Variants in MIGA1 observed in about 807,000 individuals in gnomAD.
The protein encoded by MIGA1 is family with sequence similarity 73, member A.
Under a neutral mutation model 82.0 loss-of-function variants are expected in MIGA1, and 58 were observed. The ratio of observed to expected loss-of-function variants is 0.71; its 90% CI spans 0.57 to 0.88. MIGA1 has a LOEUF of 0.88. Among genes scored for constraint, MIGA1 ranks in the 40% least tolerant of loss-of-function variants. The pLI, the probability that MIGA1 is intolerant of heterozygous loss-of-function variation, is 0.00. For missense variants in MIGA1, 751 were observed against 749.1 expected (o/e 1.00, Z -0.03); for synonymous variants, 249 against 253.6 (o/e 0.98, Z 0.17).
chr1:77,874,309 A>G (rs1258010268), intron 15 of MIGA1, among the ~76,000 whole-genome samples: 1 of 152,098 alleles, frequency 6.6e-6, no homozygotes, highest in Non-Finnish European at 1.5e-5. Flanking sequence ...GAGACCTGAA[A>G]TGTTCTTTAT....
At chr1:77,793,087 G>A (rs1039098271) in intron 2 of MIGA1, among the ~76,000 whole-genome samples, 17 of 151,486 alleles carry the variant, frequency 1.1e-4, no homozygotes, top group Non-Finnish European at 1.6e-4. Context: ...CACAGCACCC[G>A]GCCTGTTTTT....
At chr1:77,873,174 AC>A (rs1646862532) in intron 15 of MIGA1, 54 bp downstream of exon 15, 2 of 1,527,654 alleles carry the variant, frequency 1.3e-6, no homozygotes, top group Non-Finnish European at 1.8e-6. Flanking sequence ...AAAAGGAGAT[AC>A]GGTTTTATTC....
rs1324857182 is a variant in MIGA1 at position 77,875,013 on chromosome 1, C to T, written c.1848C>T (p.Ser616=). The T allele has an allele frequency of 6.2e-7, 1 of 1,614,146 alleles. No individual in the cohort carries two copies. The highest frequency in any genetic ancestry group is 1.3e-5 in the African/African-American group (1 of 75,028). ...TGAGGCATACAAGTAGTTGTCTAAG[C>T]AGTCATGGTCATGTTATGTCCACTG... Residue 616 remains serine, a synonymous_variant, in exon 16 of 16, where the codon AGC becomes AGT. Coordinates refer to ENST00000370791, the MANE Select transcript of MIGA1 (RefSeq NM_198549.4).
chr1:77,840,840 A>ATT (rs1196698286), intron 7 of MIGA1, among the ~76,000 whole-genome samples: 1 of 152,100 alleles, frequency 6.6e-6, no homozygotes, highest in East Asian at 1.9e-4. Context: ...ATAAAATAAA[A>ATT]TTTAATCCCA....
chr1:77,874,890 G>C lies in MIGA1; in HGVS notation c.1725G>C (p.Lys575Asn). Residue 575 changes from lysine (K) to asparagine (N), a missense_variant, in exon 16 of 16, where the codon AAG becomes AAC. By Grantham distance (94) the Lys-to-Asn change is moderately conservative (BLOSUM62 0). Transcript: ENST00000370791. ...TCAAAGACATTTTTGACTTTGAGAAGGTGCGCTATTCAAGTACAGAGACTT... is the reference window on the plus strand; with the variant it reads ...TCAAAGACATTTTTGACTTTGAGAACGTGCGCTATTCAAGTACAGAGACTT... 6.2e-7 allele frequency: 1 copy of C among 1,614,070 alleles called. No homozygotes were observed. The highest frequency in any genetic ancestry group is 1.6e-4 in the Middle Eastern group (1 of 6,062).
Position 77,876,939 on chromosome 1 carries a change from G to T in MIGA1, c.*1875G>T, listed in dbSNP as rs1646898119. ...AGTATGTAAGTAGATGAGATTTGTT[G>T]ATTTTGCCCCTAAAACGGGCTTTAG... On this transcript the variant is annotated 3_prime_UTR_variant, in exon 16 of 16. Coordinates refer to ENST00000370791, the MANE Select transcript of MIGA1 (RefSeq NM_198549.4). The T allele has an allele frequency of 6.6e-6, 1 of 152,128 alleles. No individual in the cohort carries two copies. The highest frequency in any genetic ancestry group is 6.6e-5 in the Admixed American group (1 of 15,262). The allele number at this position is 152,128 out of a possible 1,614,324, so 9.4% of individuals were successfully genotyped here.
At chr1:77,836,917 T>C (rs1391604622) in intron 7 of MIGA1, among the ~76,000 whole-genome samples, 1 of 152,196 alleles carries the variant, frequency 6.6e-6, no homozygotes, top group African/African-American at 2.4e-5. Flanking sequence ...TGGCTTTTTT[T>C]CCCAAGTTAC....
chr1:77,786,579 T>A (rs1490281623), intron 2 of MIGA1, among the ~76,000 whole-genome samples: 1 of 152,176 alleles, frequency 6.6e-6, no homozygotes, highest in African/African-American at 2.4e-5. Context: ...CCCTAAATCA[T>A]CTCTCTCAAG....
rs78258372 is a variant in MIGA1 at position 77,859,875 on chromosome 1, G to A, written c.1189-165G>A. On this transcript the variant is annotated intron_variant, in intron 10 of 15. Transcript: ENST00000370791. Reference sequence around the variant, plus strand: ...CTTTTTTTGACTATAGGTTTCAAGAGTTCTTTTTATTTTAGTAAATTAGGA... The same window carrying A: ...CTTTTTTTGACTATAGGTTTCAAGAATTCTTTTTATTTTAGTAAATTAGGA... 2,202 of 543,466 alleles carry A rather than the reference G, an allele frequency of 4.1e-3. 49 individuals carry two copies. The highest frequency in any genetic ancestry group is 0.041 in the African/African-American group (2,069 of 51,080). The allele number at this position is 543,466 out of a possible 1,614,324, so 33.7% of individuals were successfully genotyped here. A position where few individuals can be genotyped will look rare whatever the true frequency, so the allele number is the denominator to read the frequency against.
chr1:77,845,789 C>A (rs944170762), intron 8 of MIGA1, among the ~76,000 whole-genome samples: 3 of 152,026 alleles, frequency 2.0e-5, no homozygotes, highest in Non-Finnish European at 4.4e-5. Flanking sequence ...GTTCGAAAAC[C>A]TTTTCAGGAT....
At chr1:77,827,339 T>G (rs558661100) in intron 7 of MIGA1, among the ~76,000 whole-genome samples, 1 of 152,170 alleles carries the variant, frequency 6.6e-6, no homozygotes, top group Non-Finnish European at 1.5e-5. Context: ...CTGGGTGTGT[T>G]GACTCACGCC....
At chr1:77,815,454 G>A (rs575064224) in intron 7 of MIGA1, among the ~76,000 whole-genome samples, 1 of 152,164 alleles carries the variant, frequency 6.6e-6, no homozygotes, top group East Asian at 1.9e-4. Context: ...TCATAGGCAG[G>A]CTGTGACATT....
chr1:77,864,654 C>A (rs376481539), intron 13 of MIGA1, among the ~76,000 whole-genome samples: 1 of 152,152 alleles, frequency 6.6e-6, no homozygotes, highest in South Asian at 2.1e-4. Context: ...CCAGCCTGGA[C>A]AACAAGAGTG....
chr1:77,786,110 A>T (rs1190938989), intron 2 of MIGA1, among the ~76,000 whole-genome samples: 1 of 152,208 alleles, frequency 6.6e-6, no homozygotes, highest in Non-Finnish European at 1.5e-5. Context: ...CCTCAACACC[A>T]TGTGGAAGTT....
intron 7 of MIGA1, among the ~76,000 whole-genome samples, chr1:77,830,790 G>A (rs921792169): frequency 5.9e-5 from 9 of 152,260 alleles, no homozygotes; most frequent in African/African-American, 2.2e-4. Flanking sequence ...CTTTAAAGCA[G>A]ATATAGGTTA....
At chr1:77,823,176 A>G (rs970673207) in intron 7 of MIGA1, among the ~76,000 whole-genome samples, 2 of 152,000 alleles carry the variant, frequency 1.3e-5, no homozygotes, top group Non-Finnish European at 2.9e-5. Context: ...TTTGTAGATA[A>G]CAATGAATTT....
At chr1:77,859,280 AGTTTAACAATT>A in intron 9 of MIGA1, 23 bp from the exon 10 acceptor site, 1 of 1,514,038 alleles carries the variant, frequency 6.6e-7, no homozygotes, top group Non-Finnish European at 9.2e-7. Context: ...TCTTGAATGT[AGTTTAACAATT>A]GTCTCCCCTG....
At position 77,861,233 on chromosome 1, in the gene MIGA1, A is replaced by G. The variant is rs757491384; in HGVS notation, c.1285A>G (p.Lys429Glu). The G allele has an allele frequency of 1.2e-6, 2 of 1,606,534 alleles. No homozygotes were observed. The highest frequency in any genetic ancestry group is 1.7e-6 in the Non-Finnish European group (2 of 1,173,872). Residue 429 changes from lysine (K) to glutamate (E), a missense_variant, in exon 12 of 16, where the codon AAG becomes GAG. Physicochemically the swap from Lys to Glu is moderately conservative, Grantham distance 56. Around this residue, in one of 3 missense-constraint regions of MIGA1, gnomAD observed 265 missense variants for 293.6 expected, o/e 0.90. Coordinates refer to ENST00000370791, the MANE Select transcript of MIGA1 (RefSeq NM_198549.4). Reference sequence around the variant, plus strand: ...GTGTTTTCTTCTTCAGAATCCAAAGAAGTTTGAAGATGTTTTTGATGAAAT... The same window carrying G: ...GTGTTTTCTTCTTCAGAATCCAAAGGAGTTTGAAGATGTTTTTGATGAAAT...
intron 7 of MIGA1, among the ~76,000 whole-genome samples, chr1:77,834,374 G>C (rs1684351605): frequency 1.3e-5 from 2 of 151,974 alleles, no homozygotes; most frequent in African/African-American, 4.8e-5. Context: ...TGGGATTTCG[G>C]TATGTTGCTT....
Sources: gnomAD v4.1 joint callset for allele counts (sites outside exome capture counted in the v4.1 genomes callset) on GRCh38, gnomAD v4.1.1 for gene constraint, gnomAD v4.1.1 regional missense constraint, MANE v1.5 for transcripts, NCBI Gene and HGNC (gene_info 2026-07-23, HGNC 2026-07-21) for gene names.